SANBR: variants seen among roughly 807,000 people sequenced by gnomAD.
The protein encoded by SANBR is SANT and BTB domain regulator of CSR, also known as SANT and BTB domain regulator of class switch recombination.
SANBR carries 77 observed loss-of-function variants against 101.8 expected under a neutral mutation model. The ratio of observed to expected loss-of-function variants is 0.76; its 90% confidence interval spans 0.63 to 0.91. SANBR has a LOEUF of 0.91. Ranked by LOEUF, SANBR falls within the 40% of genes least tolerant of loss-of-function variation. The pLI is 0.00. For synonymous variants in SANBR, 279 were observed against 274.7 expected (o/e 1.02, Z -0.15); for missense variants, 875 against 853.0 (o/e 1.03, Z -0.32).
In SANBR at chr2:61,067,596, C is replaced by T. The variant is rs910169399; in HGVS notation, c.-146-1253C>T. Among the ~76,000 whole-genome samples the T allele has an allele frequency of 2.0e-5, 3 of 152,028 alleles. No homozygotes were observed. In the South Asian group the frequency reaches 6.2e-4, roughly 32 times the overall value. ...ACTAAAAATACAAAAATTAGCTGGG[C>T]GTGGTGGTGCGTGCCTGTAGTCCCA... On this transcript the variant is annotated intron_variant, in intron 1 of 21. Transcript: ENST00000402291.
At chr2:61,135,707 G>A (rs903751703) in intron 21 of SANBR, among the ~76,000 whole-genome samples, 1 of 152,140 alleles carries the variant, frequency 6.6e-6, no homozygotes, top group Non-Finnish European at 1.5e-5. Context: ...CTCTAAGTTT[G>A]GCCTGCCTCA....
intron 12 of SANBR, among the ~76,000 whole-genome samples, chr2:61,100,325 G>A (rs947875065): frequency 3.9e-5 from 6 of 152,220 alleles, no homozygotes; most frequent in African/African-American, 1.2e-4. Context: ...GGCTGGTCTC[G>A]AACTCCTGAC....
At chr2:61,117,909 C>T in intron 19 of SANBR, 119 bp from the exon 20 acceptor site, 1 of 744,046 alleles carries the variant, frequency 1.3e-6, no homozygotes, top group Non-Finnish European at 2.2e-6. Context: ...ATGTATGTGT[C>T]TGTAAAATAG....
intron 11 of SANBR, among the ~76,000 whole-genome samples, chr2:61,096,805 A>G (rs1193611211): frequency 6.6e-6 from 1 of 152,162 alleles, no homozygotes; most frequent in Non-Finnish European, 1.5e-5. Context: ...AAAGCCAGTG[A>G]TTCAAAGTTA....
At position 61,130,929 on chromosome 2, in the gene SANBR, C is replaced by CAAAAAAAAAA. The variant is rs59171411; in HGVS notation, c.2029-3188_2029-3179dup. Among the ~76,000 whole-genome samples, 14 of 13,230 alleles carry CAAAAAAAAAA rather than the reference C, an allele frequency of 1.1e-3. 5 individuals carry two copies. The highest frequency in any genetic ancestry group is 1.3e-3 in the Non-Finnish European group (9 of 7,038). The allele number at this position is 13,230 out of a possible 152,430, so 8.7% of individuals were successfully genotyped here. ...TGGGTGACAGAGCGAGACTCTGTCTCAAAAAAAAAAAAAAAAAAAAAAAAA... is the reference window on the plus strand; with the variant it reads ...TGGGTGACAGAGCGAGACTCTGTCTCAAAAAAAAAAAAAAAAAAAAAAAAAAAAAAAAAAA... On this transcript the variant is annotated intron_variant, in intron 20 of 21. Coordinates refer to the SANBR transcript ENST00000295031.
chr2:61,084,155 C>T (rs1457626079), intron 8 of SANBR, among the ~76,000 whole-genome samples: 3 of 152,042 alleles, frequency 2.0e-5, no homozygotes, highest in Non-Finnish European at 4.4e-5. Flanking sequence ...GGGTTTGCTG[C>T]GTTGCCCAGC....
At chr2:61,071,927 C>T in intron 4 of SANBR, 135 bp downstream of exon 4, 1 of 599,584 alleles carries the variant, frequency 1.7e-6, no homozygotes, top group Non-Finnish European at 2.8e-6. Context: ...ATATTTGTAT[C>T]TTCCTGAATT....
chr2:61,082,365 TCTTTA>T (rs928904569), intron 7 of SANBR, among the ~76,000 whole-genome samples: 65 of 152,350 alleles, frequency 4.3e-4, no homozygotes, highest in African/African-American at 1.4e-3. Context: ...GATTATCCTC[TCTTTA>T]CTTTTAAAGT....
chr2:61,124,703 CAA>C (rs777185693), downstream of SANBR, among the ~76,000 whole-genome samples: 17 of 96,054 alleles, frequency 1.8e-4, no homozygotes, highest in African/African-American at 3.2e-4. Context: ...AAGACCCTAT[CAA>C]AAAAAAAAAA....
chr2:61,075,999 A>G (rs1188284182), intron 5 of SANBR, among the ~76,000 whole-genome samples: 1 of 151,220 alleles, frequency 6.6e-6, no homozygotes, highest in African/African-American at 2.4e-5. Context: ...TTATTTATTT[A>G]TTTATTTATT....
chr2:61,091,632 TA>T (rs57226478), intron 10 of SANBR, among the ~76,000 whole-genome samples: 151,008 of 151,176 alleles, frequency 1, 75,420 homozygotes, highest in Middle Eastern at 1. Flanking sequence ...TGATGACACA[TA>T]ACCTGTAATC....
intron 10 of SANBR, 91 bp downstream of exon 10, chr2:61,088,559 A>T: frequency 1.2e-6 from 1 of 851,072 alleles, no homozygotes; most frequent in Non-Finnish European, 1.7e-6. Context: ...TTACTCTGTC[A>T]CCCAGGCTGG....
At chr2:61,116,097 G>C in intron 17 of SANBR, 27 bp downstream of exon 17, 1 of 1,464,360 alleles carries the variant, frequency 6.8e-7, no homozygotes, top group Non-Finnish European at 9.4e-7. Context: ...TGTTGTTAAA[G>C]TTCATATGGA....
intron 1 of SANBR, among the ~76,000 whole-genome samples, chr2:61,067,680 G>C (rs569419961): frequency 3.3e-5 from 5 of 152,286 alleles, no homozygotes; most frequent in Admixed American, 3.3e-4. Context: ...AGGTTGCAGT[G>C]AGCCGAGATC....
intron 20 of SANBR, among the ~76,000 whole-genome samples, chr2:61,132,449 A>G (rs1198052518): frequency 2.0e-5 from 3 of 152,220 alleles, no homozygotes; most frequent in Admixed American, 1.3e-4. Context: ...GGGAAATGCA[A>G]ATCAAAACCA....
intron 20 of SANBR, among the ~76,000 whole-genome samples, chr2:61,131,053 C>T (rs888891558): frequency 6.6e-6 from 1 of 151,080 alleles, no homozygotes; most frequent in African/African-American, 2.4e-5. Context: ...AGGGAACTTC[C>T]TCAACTTGAT....
chr2:61,126,312 A>G (rs1271516230), downstream of SANBR, among the ~76,000 whole-genome samples: 9 of 152,160 alleles, frequency 5.9e-5, no homozygotes, highest in South Asian at 2.1e-4. Context: ...ATTTGCTTCT[A>G]TCTCCACTAT....
chr2:61,076,026 C>G (rs2104856030), intron 5 of SANBR, among the ~76,000 whole-genome samples: 1 of 151,698 alleles, frequency 6.6e-6, no homozygotes, highest in South Asian at 2.1e-4. Flanking sequence ...CGGAGTCTTG[C>G]TCTGTCGCCC....
downstream of SANBR, among the ~76,000 whole-genome samples, chr2:61,128,178 A>G (rs1441251624): frequency 6.6e-6 from 1 of 151,820 alleles, no homozygotes; most frequent in East Asian, 1.9e-4. Flanking sequence ...AGGTTGAGGC[A>G]GGAGAATCGC....
Sources: gnomAD v4.1 joint callset for allele counts (sites outside exome capture counted in the v4.1 genomes callset) on GRCh38, gnomAD v4.1.1 for gene constraint, MANE v1.5 for transcripts, NCBI Gene and HGNC (gene_info 2026-07-23, HGNC 2026-07-21) for gene names.